Variants in FPGS observed in about 807,000 individuals in gnomAD.
FPGS encodes folylpolyglutamate synthase, mitochondrial.
A neutral mutation model predicts 66.5 loss-of-function variants in FPGS; 53 were observed. That is an observed-to-expected ratio of 0.80 (90% CI 0.64 to 1.00). The LOEUF is 1.00. Among genes scored for constraint, FPGS ranks in the 50% least tolerant of loss-of-function variants. FPGS has a pLI of 0.00. For missense variants in FPGS, 702 were observed against 807.7 expected, an observed-to-expected ratio of 0.87 and a Z score of 1.59; for synonymous variants, 348 against 350.9, an observed-to-expected ratio of 0.99 and a Z score of 0.09.
rs1829659896 is a variant in FPGS at position 127,802,982 on chromosome 9, C to T, written c.58C>T (p.Arg20Cys). The T allele has an allele frequency of 2.1e-6, 3 of 1,462,740 alleles. No homozygotes were observed. Among genetic ancestry groups the T allele is most frequent in the East Asian group, 3.0e-5 (1 of 33,764 alleles). The allele number at this position is 1,462,740 out of a possible 1,614,324, so 90.6% of individuals were successfully genotyped here. The change falls in exon 1 of 15, where the codon CGC becomes TGC. Residue 20 changes from arginine (R) to cysteine (C), a missense_variant. This residue lies in a region of FPGS where 111 missense variants were observed against 95.4 expected (regional missense o/e 1.16). Transcript: ENST00000373247. ...TCTATTCCTGGCAGCGGCGTCTGCG[C>T]GCGGCATAACGACCCAGGTCGCGGC... The part of the protein sequence containing the change: ...AALFLAAASA[R>C]GITTQVAARR...
At position 127,813,864 on chromosome 9, in the gene FPGS, T is replaced by TC. The variant is rs1234960275; in HGVS notation, c.*265dup. On this transcript the variant is annotated 3_prime_UTR_variant, in exon 15 of 15. Transcript: ENST00000373247. ...CAGTGGCCTGGCCGTTCAGCCTGTC[T>TC]CCCCCAACACCCCGCCTGCCTCCTG... 22 of 1,219,880 alleles carry TC rather than the reference T, an allele frequency of 1.8e-5. No homozygotes were observed. The highest frequency in any genetic ancestry group is 2.2e-5 in the Non-Finnish European group (22 of 980,624). The allele number at this position is 1,219,880 out of a possible 1,614,324, so 75.6% of individuals were successfully genotyped here. A position where few individuals can be genotyped will look rare whatever the true frequency, so the allele number is the denominator to read the frequency against.
At chr9:127,805,310 G>T (rs1333844335) in intron 4 of FPGS, among the ~76,000 whole-genome samples, 3 of 152,046 alleles carry the variant, frequency 2.0e-5, no homozygotes, top group Non-Finnish European at 4.4e-5. Context: ...TTGGGCAGCT[G>T]ACATGGGAGG....
chr9:127,808,018 A>C, intron 8 of FPGS: 5 of 581,208 alleles, frequency 8.6e-6, no homozygotes, highest in Non-Finnish European at 1.2e-5. Context: ...AGGCAGGAGA[A>C]TCACTCGAAC....
rs146228124 is a variant in FPGS at position 127,807,896 on chromosome 9, C to A, written c.744+208C>A. On this transcript the variant is annotated intron_variant, in intron 8 of 14. Coordinates refer to ENST00000373247, the MANE Select transcript of FPGS (RefSeq NM_004957.6). This position sits in a 1 kb window ranked among gnomAD's most constrained non-coding sequence, Gnocchi z 5.8. ...CGAGGTGAGAGGATCACCTGAGATCCGGAGTTTGAGACCAGCCTGACCAAT... is the reference window on the plus strand; with the variant it reads ...CGAGGTGAGAGGATCACCTGAGATCAGGAGTTTGAGACCAGCCTGACCAAT... 2 of 572,298 alleles carry A rather than the reference C, an allele frequency of 3.5e-6. No individual in the cohort carries two copies. Among genetic ancestry groups the A allele is most frequent in the Non-Finnish European group, 6.1e-6 (2 of 326,420 alleles). The allele number at this position is 572,298 out of a possible 1,614,324, so 35.5% of individuals were successfully genotyped here.
At position 127,809,813 on chromosome 9, in the gene FPGS, A is replaced by G. The variant is rs985841138; in HGVS notation, c.1190A>G (p.Gln397Arg). Residue 397 changes from glutamine (Q) to arginine (R), a missense_variant, in exon 12 of 15, where the codon CAG becomes CGG. This residue lies in a region of FPGS where 351 missense variants were observed against 363.7 expected (regional missense o/e 0.97). Coordinates refer to ENST00000373247, the MANE Select transcript of FPGS (RefSeq NM_004957.6). ...GTGCGCTGGTTCCGCCAGGCGCTGCAGGGCCGCGAGAGGCCGAGCGGGTGA... is the reference window on the plus strand; with the variant it reads ...GTGCGCTGGTTCCGCCAGGCGCTGCGGGGCCGCGAGAGGCCGAGCGGGTGA... ...ACVRWFRQAL[Q>R]GRERPSGGPE... 56 of 1,363,148 alleles carry G rather than the reference A, an allele frequency of 4.1e-5. No homozygotes were observed. The highest frequency in any genetic ancestry group is 5.0e-5 in the Non-Finnish European group (52 of 1,044,830). 84.4% of individuals were successfully genotyped at this position (1,363,148 alleles called of 1,614,324 possible). A position where few individuals can be genotyped will look rare whatever the true frequency, so the allele number is the denominator to read the frequency against.
chr9:127,805,997 A>G (rs551650788), intron 4 of FPGS, among the ~76,000 whole-genome samples: 28 of 152,380 alleles, frequency 1.8e-4, no homozygotes, highest in Non-Finnish European at 3.7e-4. Flanking sequence ...TTCTTGTTCA[A>G]ATAAAGAGAT....
At position 127,803,546 on chromosome 9, in the gene FPGS, A is replaced by G. The variant is rs977328487; in HGVS notation, c.138+484A>G. ...GGAATCAGGGGTAGTGGAGGGCCCC[A>G]GAACCTGGAAAATAGAAAATGTCCG... On this transcript the variant is annotated intron_variant, in intron 1 of 14. Transcript: ENST00000373247. 4.2e-5 allele frequency: 18 copies of G among 433,654 alleles called. No homozygotes were observed. In the South Asian group the frequency reaches 1.5e-3, roughly 35 times the overall value. 26.9% of individuals were successfully genotyped at this position (433,654 alleles called of 1,614,324 possible). A position where few individuals can be genotyped will look rare whatever the true frequency, so the allele number is the denominator to read the frequency against.
In FPGS at chr9:127,809,710, C is replaced by G. The variant is rs1318410785; in HGVS notation, c.1087C>G (p.Arg363Gly). The change falls in exon 12 of 15, where the codon CGG (arginine) becomes GGG (glycine). Residue 363 changes from arginine (R) to glycine (G), a missense_variant. Transcript: ENST00000373247. ...GCTTCGGAACACGGAGTGGCCGGGC[C>G]GGACGCAGGTGCTGCGGCGCGGGCC... is the stretch of plus-strand genomic sequence containing the variant. ...LGLRNTEWPGRTQVLRRGPLT... is the reference protein window; with the variant it reads ...LGLRNTEWPGGTQVLRRGPLT... The G allele has an allele frequency of 1.3e-6, 2 of 1,588,472 alleles. No individual in the cohort carries two copies. Among genetic ancestry groups the G allele is most frequent in the South Asian group, 2.2e-5 (2 of 90,066 alleles).
At position 127,814,017 on chromosome 9, in the gene FPGS, A is replaced by G; in HGVS notation, c.*413A>G. On this transcript the variant is annotated 3_prime_UTR_variant, in exon 15 of 15. Transcript: ENST00000373247. Reference sequence around the variant, plus strand: ...GGGCCTCTGCCTGGGACACTGCGGGACAGAGGGTGGCTGGAGTGAATTAAA... The same window carrying G: ...GGGCCTCTGCCTGGGACACTGCGGGGCAGAGGGTGGCTGGAGTGAATTAAA... 1 of 1,026,982 alleles carries G rather than the reference A, an allele frequency of 9.7e-7. No individual in the cohort carries two copies. The highest frequency in any genetic ancestry group is 4.6e-5 in the South Asian group (1 of 21,722). The allele number at this position is 1,026,982 out of a possible 1,614,324, so 63.6% of individuals were successfully genotyped here.
In FPGS at chr9:127,811,031, GC is replaced by G; in HGVS notation, c.1354+24del. 2.0e-6 allele frequency: 3 copies of G among 1,532,410 alleles called. No individual in the cohort carries two copies. Among genetic ancestry groups the G allele is most frequent in the Non-Finnish European group, 2.7e-6 (3 of 1,118,290 alleles). The allele number at this position is 1,532,410 out of a possible 1,614,324, so 94.9% of individuals were successfully genotyped here. A position where few individuals can be genotyped will look rare whatever the true frequency, so the allele number is the denominator to read the frequency against. Reference sequence around the variant, plus strand: ...ACGCAGGTGAGAGGTGACAGGCATGGCCCCTGGGGATGAGCAGGGGTCCCTG... The same window carrying G: ...ACGCAGGTGAGAGGTGACAGGCATGGCCCTGGGGATGAGCAGGGGTCCCTG... On this transcript the variant is annotated intron_variant, in intron 14 of 14. Transcript: ENST00000373247.
intron 14 of FPGS, among the ~76,000 whole-genome samples, chr9:127,812,210 T>C (rs1830109254): frequency 1.3e-5 from 2 of 152,148 alleles, no homozygotes; most frequent in South Asian, 4.1e-4. Context: ...GAAGTCGTGA[T>C]TGCATCACTG....
chr9:127,802,996 C>G lies in FPGS; in HGVS notation c.72C>G (p.Thr24=), dbSNP rs1034067436. Residue 24 remains threonine, a synonymous_variant, in exon 1 of 15, where the codon ACC becomes ACG. Transcript: ENST00000373247. ...LAAASARGIT[T]QVAARRGLSA... Reference sequence around the variant, plus strand: ...CGGCGTCTGCGCGCGGCATAACGACCCAGGTCGCGGCGCGGCGGGGCTTGA... The same window carrying G: ...CGGCGTCTGCGCGCGGCATAACGACGCAGGTCGCGGCGCGGCGGGGCTTGA... 2 of 1,465,946 alleles carry G rather than the reference C, an allele frequency of 1.4e-6. No homozygotes were observed. Among genetic ancestry groups the G allele is most frequent in the Admixed American group, 2.5e-5 (1 of 39,382 alleles). 90.8% of individuals were successfully genotyped at this position (1,465,946 alleles called of 1,614,324 possible). A position where few individuals can be genotyped will look rare whatever the true frequency, so the allele number is the denominator to read the frequency against.
intron 14 of FPGS, among the ~76,000 whole-genome samples, chr9:127,811,631 G>A (rs1421317436): frequency 2.6e-5 from 4 of 152,100 alleles, no homozygotes; most frequent in African/African-American, 9.7e-5. Flanking sequence ...GATTACAGGC[G>A]TGTGCCAACA....
chr9:127,810,341 C>T (rs1027793808), intron 13 of FPGS, among the ~76,000 whole-genome samples: 2 of 152,122 alleles, frequency 1.3e-5, no homozygotes, highest in African/African-American at 4.8e-5. Context: ...AGGGCCAGAT[C>T]GTGGCTAAAG....
chr9:127,804,414 G>A lies in FPGS; in HGVS notation c.267+1G>A. 6.2e-7 allele frequency: 1 copy of A among 1,614,206 alleles called. No individual in the cohort carries two copies. Among genetic ancestry groups the A allele is most frequent in the Non-Finnish European group, 8.5e-7 (1 of 1,180,016 alleles). The stretch of plus-strand genomic sequence containing the variant: ...GTACCTGGCACGGAGTGGGCTGCAG[G>A]TAAGGTAGAGAGGGCCTGTGACCAC... On this transcript the variant is annotated splice_donor_variant, in intron 2 of 14. Coordinates refer to ENST00000373247, the MANE Select transcript of FPGS (RefSeq NM_004957.6). LOFTEE classifies it high-confidence loss of function.
In FPGS at chr9:127,812,897, G is replaced by A. The variant is rs559294127; in HGVS notation, c.1355-298G>A. Among the ~76,000 whole-genome samples the A allele has an allele frequency of 2.6e-5, 4 of 152,320 alleles. No homozygotes were observed. In the South Asian group the frequency reaches 8.3e-4, roughly 32 times the overall value. On this transcript the variant is annotated intron_variant, in intron 14 of 14. Coordinates refer to ENST00000373247, the MANE Select transcript of FPGS (RefSeq NM_004957.6). ...ACCTGGTGATGGTCCCCAGCTGGAT[G>A]TACATTTTATAGATGGAGACAATGA...
At chr9:127,803,435 A>G in intron 1 of FPGS, 2 of 1,019,850 alleles carry the variant, frequency 2.0e-6, no homozygotes, top group Non-Finnish European at 2.3e-6. Context: ...TTCAGGCTTG[A>G]AAGATCCAGG....
intron 14 of FPGS, among the ~76,000 whole-genome samples, chr9:127,812,675 T>C (rs1830127229): frequency 6.6e-6 from 1 of 150,966 alleles, no homozygotes; most frequent in Admixed American, 6.7e-5. Flanking sequence ...GGCTAATTTT[T>C]GTCCAGCTAA....
At chr9:127,812,871 C>T (rs1444714697) in intron 14 of FPGS, among the ~76,000 whole-genome samples, 2 of 152,176 alleles carry the variant, frequency 1.3e-5, no homozygotes, top group African/African-American at 4.8e-5. Flanking sequence ...TAACTATGCT[C>T]ACCTGGTGAT....
Sources: allele counts gnomAD v4.1 joint callset (sites outside exome capture counted in the v4.1 genomes callset), GRCh38; gene constraint gnomAD v4.1.1; regional missense constraint gnomAD v4.1.1; non-coding constraint Gnocchi (gnomAD v3.1); transcripts MANE v1.5; gene names NCBI Gene and HGNC (gene_info 2026-07-23, HGNC 2026-07-21).